The following HLTF variants were observed in gnomAD, a reference collection of about 807,000 sequenced individuals.
HLTF encodes the protein helicase like transcription factor.
Under a neutral mutation model 129.4 loss-of-function variants are expected in HLTF, and 127 were observed. The ratio of observed to expected loss-of-function variants is 0.98; its 90% CI spans 0.85 to 1.14. HLTF has a LOEUF of 1.14. HLTF is among the 50% of genes most tolerant of loss of function. The probability of loss-of-function intolerance (pLI) is 0.00; values close to 1 mark genes in which losing one functional copy is unlikely to be tolerated. For synonymous variants in HLTF, 332 were observed against 388.8 expected (o/e 0.85, Z 1.72); for missense variants, 1,139 against 1,187.1 (o/e 0.96, Z 0.60).
chr3:149,034,051 A>G (rs1260248280), intron 24 of HLTF, among the ~76,000 whole-genome samples: 1 of 152,196 alleles, frequency 6.6e-6, no homozygotes, highest in African/African-American at 2.4e-5. Flanking sequence ...TGGACAGAAG[A>G]TATAAATAAT....
At chr3:149,054,641 T>C (rs1015596473) in intron 14 of HLTF, among the ~76,000 whole-genome samples, 4 of 151,954 alleles carry the variant, frequency 2.6e-5, no homozygotes, top group African/African-American at 9.7e-5. Context: ...AAACAATTAA[T>C]CAAGAGGTTC....
At chr3:149,067,818 T>C (rs1718524428) in intron 8 of HLTF, among the ~76,000 whole-genome samples, 1 of 152,148 alleles carries the variant, frequency 6.6e-6, no homozygotes. Context: ...TTATAAACAA[T>C]TTTAAGACTC....
At chr3:149,052,274 T>G (rs1197353944) in intron 14 of HLTF, 1 of 152,112 alleles carries the variant, frequency 6.6e-6, no homozygotes, top group Non-Finnish European at 1.5e-5. Flanking sequence ...TTTAAAATAC[T>G]CTTTTTAAAA....
At position 149,039,686 on chromosome 3, in the gene HLTF, G is replaced by A. The variant is rs1340227885; in HGVS notation, c.2510C>T (p.Ala837Val). Reference sequence around the variant, plus strand: ...TAAGTCAGTCAATGCGTGCATTAGCGCATTAATCTGCAAAAAATATTAAGA... The same window carrying A: ...TAAGTCAGTCAATGCGTGCATTAGCACATTAATCTGCAAAAAATATTAAGA... ...MEWTSSSKINALMHALTDLRK... is the reference protein window; with the variant it reads ...MEWTSSSKINVLMHALTDLRK... Residue 837 changes from alanine (A) to valine (V), a missense_variant, in exon 22 of 25, where the codon GCG becomes GTG. Transcript: ENST00000310053. The A allele has an allele frequency of 9.9e-6, 15 of 1,518,774 alleles. No homozygotes were observed. Among genetic ancestry groups the A allele is most frequent in the Non-Finnish European group, 1.3e-5 (14 of 1,115,882 alleles). 94.1% of individuals were successfully genotyped at this position (1,518,774 alleles called of 1,614,324 possible). A position where few individuals can be genotyped will look rare whatever the true frequency, so the allele number is the denominator to read the frequency against.
Position 149,048,896 on chromosome 3 carries a change from C to G in HLTF, c.1723G>C (p.Asp575His). 6.2e-7 allele frequency: 1 copy of G among 1,613,552 alleles called. No individual in the cohort carries two copies. Among genetic ancestry groups the G allele is most frequent in the Admixed American group, 1.7e-5 (1 of 60,006 alleles). Reference protein sequence around the residue: ...PNAQQTKAVLDLESERRWVLT... With the variant: ...PNAQQTKAVLHLESERRWVLT... ...ACCCATCTTCTTTCTGATTCTAAGT[C>G]AAGTACAGCTTTTGTCTGCTGAGCA... The change falls in exon 16 of 25, where the codon GAC (aspartate) becomes CAC (histidine). Residue 575 changes from aspartate (D) to histidine (H), a missense_variant. Asp to His is a moderately conservative substitution (Grantham distance 81, BLOSUM62 -1). Transcript: ENST00000310053.
At chr3:149,054,338 T>C (rs934914608) in intron 14 of HLTF, among the ~76,000 whole-genome samples, 1 of 152,020 alleles carries the variant, frequency 6.6e-6, no homozygotes, top group Non-Finnish European at 1.5e-5. Context: ...CCTGAGTATG[T>C]ATCAGGAAGA....
chr3:149,041,691 A>G (rs1264169479), intron 19 of HLTF, 23 bp from the exon 20 acceptor site: 1 of 1,533,814 alleles, frequency 6.5e-7, no homozygotes, highest in Non-Finnish European at 9.0e-7. Flanking sequence ...CTGAAAAATT[A>G]ATTTCAGAGC....
intron 16 of HLTF, 51 bp downstream of exon 16, chr3:149,048,812 A>T: frequency 7.0e-6 from 10 of 1,420,300 alleles, no homozygotes; most frequent in Non-Finnish European, 9.9e-6. Flanking sequence ...AACTTACATA[A>T]TGATATATTT....
chr3:149,060,590 C>T (rs1283688118), intron 12 of HLTF, 53 bp downstream of exon 12: 7 of 1,361,700 alleles, frequency 5.1e-6, no homozygotes, highest in African/African-American at 4.4e-5. Flanking sequence ...ATCAATGGAG[C>T]TGTACTTTAA....
At chr3:149,063,361 C>G in intron 10 of HLTF, 70 bp downstream of exon 10, 2 of 1,064,216 alleles carry the variant, frequency 1.9e-6, no homozygotes, top group Non-Finnish European at 2.9e-6. Context: ...TGCCCAGCCT[C>G]TATCTCTTTT....
intron 24 of HLTF, 60 bp from the exon 25 acceptor site, chr3:149,032,432 T>A: frequency 1.9e-6 from 2 of 1,059,582 alleles, no homozygotes; most frequent in Non-Finnish European, 2.6e-6. Context: ...AAATCTTTAT[T>A]AAAAAAACTA....
intron 2 of HLTF, among the ~76,000 whole-genome samples, chr3:149,080,231 CT>C (rs1719756040): frequency 6.6e-6 from 1 of 151,982 alleles, no homozygotes; most frequent in African/African-American, 2.4e-5. Context: ...AATGAGGTTT[CT>C]TTTTGGAGTA....
intron 15 of HLTF, 31 bp from the exon 16 acceptor site, chr3:149,049,032 A>T (rs1340816603): frequency 6.7e-7 from 1 of 1,487,804 alleles, no homozygotes; most frequent in Non-Finnish European, 9.3e-7. Flanking sequence ...GAATTAAAAA[A>T]CACAGGAAAG....
Position 149,063,307 on chromosome 3 carries a change from G to A in HLTF, c.1160+124C>T, listed in dbSNP as rs1467963620. ...AATCTCCTGACCTCATGATCCGCCC[G>A]CCTCGGCCTCCCAAAGTGCTGGGAT... On this transcript the variant is annotated intron_variant, in intron 10 of 24. Coordinates refer to ENST00000310053, the MANE Select transcript of HLTF (RefSeq NM_003071.4). 3.7e-5 allele frequency: 23 copies of A among 622,130 alleles called. 1 individual carries two copies. Among genetic ancestry groups the A allele is most frequent in the South Asian group, 1.3e-4 (8 of 60,258 alleles). 38.5% of individuals were successfully genotyped at this position (622,130 alleles called of 1,614,324 possible).
At chr3:149,036,297 G>GTTTTTTTTTTTGT (rs71135656) in intron 23 of HLTF, among the ~76,000 whole-genome samples, 1 of 107,986 alleles carries the variant, frequency 9.3e-6, no homozygotes, top group African/African-American at 3.8e-5. Flanking sequence ...AAACTATGAG[G>GTTTTTTTTTTTGT]TTTTTTTTTT....
At chr3:149,035,583 C>T (rs1207104107) in intron 23 of HLTF, among the ~76,000 whole-genome samples, 2 of 136,724 alleles carry the variant, frequency 1.5e-5, no homozygotes, top group Non-Finnish European at 3.1e-5. Context: ...GCCTGAACCC[C>T]GGGAGGCGGA....
At chr3:149,061,086 T>C (rs1037217454) in intron 10 of HLTF, among the ~76,000 whole-genome samples, 8 of 152,188 alleles carry the variant, frequency 5.3e-5, no homozygotes, top group Non-Finnish European at 8.8e-5. Flanking sequence ...TTATTGTTTT[T>C]TGAGACAGGG....
chr3:149,059,856 G>T, intron 12 of HLTF, 49 bp from the exon 13 acceptor site: 1 of 1,106,798 alleles, frequency 9.0e-7, no homozygotes, highest in Non-Finnish European at 1.4e-6. Flanking sequence ...TATCTCCTGT[G>T]CTAGAGTACA....
intron 15 of HLTF, 119 bp downstream of exon 15, chr3:149,050,113 T>C: frequency 2.0e-6 from 1 of 488,500 alleles, no homozygotes; most frequent in South Asian, 7.1e-5. Flanking sequence ...CTATATATCG[T>C]TAAGTATCTA....
Sources: gnomAD v4.1 joint callset for allele counts (sites outside exome capture counted in the v4.1 genomes callset) on GRCh38, gnomAD v4.1.1 for gene constraint, MANE v1.5 for transcripts, NCBI Gene and HGNC (gene_info 2026-07-23, HGNC 2026-07-21) for gene names.